Variants in PHF21A observed in about 807,000 individuals in gnomAD.
The protein encoded by PHF21A is BHC80a.
Under a neutral mutation model 82.5 loss-of-function variants are expected in PHF21A, and 11 were observed. The ratio of observed to expected loss-of-function variants is 0.13; its 90% CI spans 0.08 to 0.22. PHF21A has a LOEUF of 0.22. PHF21A is among the 10% of genes least tolerant of loss of function. The pLI is 1.00. For missense variants in PHF21A, 579 were observed against 837.8 expected (o/e 0.69, Z 3.81); for synonymous variants, 297 against 302.8 (o/e 0.98, Z 0.20).
intron 6 of PHF21A, among the ~76,000 whole-genome samples, chr11:46,055,810 T>C (rs2096446213): frequency 6.6e-6 from 1 of 152,132 alleles, no homozygotes; most frequent in Non-Finnish European, 1.5e-5. Flanking sequence ...GATCTAAGCC[T>C]AAAATCAGAA....
At chr11:46,012,270 T>C (rs993415951) in intron 6 of PHF21A, among the ~76,000 whole-genome samples, 4 of 152,226 alleles carry the variant, frequency 2.6e-5, no homozygotes, top group African/African-American at 9.7e-5. Flanking sequence ...TTACTGACCA[T>C]GCTCTTCTTG....
At chr11:46,010,896 A>C (rs768292837) in intron 6 of PHF21A, among the ~76,000 whole-genome samples, 2 of 152,172 alleles carry the variant, frequency 1.3e-5, no homozygotes, top group Non-Finnish European at 2.9e-5. Context: ...AGTGAACAGC[A>C]TCATACCAGC....
intron 18 of PHF21A, chr11:45,935,334 C>T (rs946159477): frequency 1.5e-5 from 16 of 1,048,014 alleles, no homozygotes; most frequent in South Asian, 4.0e-5. Flanking sequence ...GTCAGGAATA[C>T]GCAGGGCCAT....
At chr11:46,023,193 G>C (rs1211149634) in intron 6 of PHF21A, among the ~76,000 whole-genome samples, 2 of 152,210 alleles carry the variant, frequency 1.3e-5, no homozygotes, top group Non-Finnish European at 2.9e-5. Flanking sequence ...TGTGAAAGAA[G>C]CCAGGGACTT....
At chr11:46,089,214 A>G (rs997104224) in intron 3 of PHF21A, among the ~76,000 whole-genome samples, 1 of 152,156 alleles carries the variant, frequency 6.6e-6, no homozygotes, top group African/African-American at 2.4e-5. Context: ...TCATCTACGT[A>G]TCTTTACTTC....
At chr11:46,066,167 A>C (rs1166696041) in intron 6 of PHF21A, among the ~76,000 whole-genome samples, 3 of 152,212 alleles carry the variant, frequency 2.0e-5, no homozygotes, top group African/African-American at 7.2e-5. Flanking sequence ...ACATTAGTCT[A>C]TGCTGTTAGA....
chr11:46,094,345 G>A (rs1047005416), intron 1 of PHF21A, among the ~76,000 whole-genome samples: 1 of 152,028 alleles, frequency 6.6e-6, no homozygotes, highest in African/African-American at 2.4e-5. Context: ...TGCAGAAATC[G>A]CATAGAAAAT....
intron 6 of PHF21A, among the ~76,000 whole-genome samples, chr11:46,054,598 A>T (rs1221693194): frequency 6.6e-6 from 1 of 152,184 alleles, no homozygotes; most frequent in Non-Finnish European, 1.5e-5. Flanking sequence ...TTACACGTAG[A>T]TGTGGCACTG....
rs552610119 is a variant in PHF21A, at chr11:46,073,234, G to A, written c.153+3520C>T. On this transcript the variant is annotated intron_variant, in intron 6 of 18. Transcript: ENST00000676320. ...TCCCAGCTACTTGGGAGGCTGAAGT[G>A]GGAGAATGGCGTGAACCCAGGAGGC... Among the ~76,000 whole-genome samples the A allele has an allele frequency of 5.9e-5, 9 of 151,858 alleles. No homozygotes were observed. The East Asian group carries it at 1.7e-3, about 29-fold the overall frequency.
chr11:46,099,618 T>TA (rs1183594018), intron 1 of PHF21A, among the ~76,000 whole-genome samples: 2 of 150,924 alleles, frequency 1.3e-5, no homozygotes, highest in Admixed American at 6.6e-5. Flanking sequence ...TGAAGGGGCT[T>TA]AAAAAATGCA....
intron 6 of PHF21A, among the ~76,000 whole-genome samples, chr11:45,980,427 T>C (rs1423663761): frequency 1.3e-5 from 2 of 152,196 alleles, no homozygotes; most frequent in Non-Finnish European, 2.9e-5. Context: ...ACAGTACCCT[T>C]GAGGTTCTTA....
intron 10 of PHF21A, among the ~76,000 whole-genome samples, chr11:45,964,366 T>C (rs1435037330): frequency 6.6e-6 from 1 of 152,110 alleles, no homozygotes; most frequent in Non-Finnish European, 1.5e-5. Context: ...CTGCCGCATT[T>C]GTGAGCTGCC....
chr11:45,950,186 C>A lies in PHF21A; in HGVS notation c.1147+20G>T. 6.3e-7 allele frequency: 1 copy of A among 1,576,166 alleles called. No homozygotes were observed. Among genetic ancestry groups the A allele is most frequent in the South Asian group, 1.2e-5 (1 of 86,116 alleles). Reference sequence around the variant, plus strand: ...CTGTGGGCCAGAAAAAAAGGCAGTGCCAAGAATATCTTCTCTTACCTTCTA... The same window carrying A: ...CTGTGGGCCAGAAAAAAAGGCAGTGACAAGAATATCTTCTCTTACCTTCTA... On this transcript the variant is annotated intron_variant, in intron 12 of 18. Transcript: ENST00000676320.
intron 6 of PHF21A, among the ~76,000 whole-genome samples, chr11:46,020,551 C>T (rs573493703): frequency 6.6e-6 from 1 of 152,276 alleles, no homozygotes; most frequent in African/African-American, 2.4e-5. Context: ...GCTTCCCTTG[C>T]GTCTAACACC....
chr11:45,943,271 C>A (rs897022851), intron 15 of PHF21A, among the ~76,000 whole-genome samples: 1 of 151,946 alleles, frequency 6.6e-6, no homozygotes, highest in Non-Finnish European at 1.5e-5. Context: ...TAAAGGGGCA[C>A]ACCAGTATGC....
chr11:45,949,513 G>C, intron 12 of PHF21A, 32 bp from the exon 13 acceptor site: 1 of 1,554,582 alleles, frequency 6.4e-7, no homozygotes, highest in Admixed American at 1.7e-5. Flanking sequence ...CATTAGCAGA[G>C]AGGCATGGAG....
intron 6 of PHF21A, among the ~76,000 whole-genome samples, chr11:46,053,747 T>C (rs2096405745): frequency 6.6e-6 from 1 of 152,208 alleles, no homozygotes; most frequent in African/African-American, 2.4e-5. Flanking sequence ...AGTAACATAA[T>C]TTGTAACTCC....
chr11:46,051,586 G>A (rs1353975756), intron 6 of PHF21A, among the ~76,000 whole-genome samples: 1 of 152,098 alleles, frequency 6.6e-6, no homozygotes, highest in African/African-American at 2.4e-5. Context: ...AAAGCTTCTT[G>A]TCTACACAAG....
At chr11:46,016,481 T>C (rs992366420) in intron 6 of PHF21A, among the ~76,000 whole-genome samples, 1 of 152,168 alleles carries the variant, frequency 6.6e-6, no homozygotes, top group African/African-American at 2.4e-5. Context: ...CCCTCTCTCA[T>C]GCAACACCTT....
Sources: gnomAD v4.1 joint callset for allele counts (sites outside exome capture counted in the v4.1 genomes callset) on GRCh38, gnomAD v4.1.1 for gene constraint, MANE v1.5 for transcripts, NCBI Gene and HGNC (gene_info 2026-07-23, HGNC 2026-07-21) for gene names.